Variants in SLC14A2 observed in about 807,000 individuals in gnomAD.
The protein encoded by SLC14A2 is urea transporter 2.
SLC14A2 carries 91 observed loss-of-function variants against 104.6 expected under a neutral mutation model. The ratio of observed to expected loss-of-function variants is 0.87; its 90% confidence interval spans 0.73 to 1.04. The LOEUF (loss-of-function observed/expected upper bound fraction) is 1.04. Ranked by LOEUF, SLC14A2 falls within the 50% of genes least tolerant of loss-of-function variation. The probability of loss-of-function intolerance (pLI) is 0.00; values close to 1 mark genes in which losing one functional copy is unlikely to be tolerated. For synonymous variants in SLC14A2, 476 were observed against 466.4 expected (o/e 1.02, Z -0.27); for missense variants, 1,189 against 1,156.0 (o/e 1.03, Z -0.41).
intron 2 of SLC14A2, among the ~76,000 whole-genome samples, chr18:45,491,620 A>G (rs1170687372): frequency 6.6e-6 from 1 of 152,236 alleles, no homozygotes; most frequent in East Asian, 1.9e-4. Flanking sequence ...TTAATATAGT[A>G]AACAATTCAG....
At chr18:45,232,362 A>G (rs765089405) in intron 1 of SLC14A2, among the ~76,000 whole-genome samples, 1 of 152,226 alleles carries the variant, frequency 6.6e-6, no homozygotes, top group Non-Finnish European at 1.5e-5. Flanking sequence ...CATGAGAACA[A>G]TGAAGAGGAA....
rs201591082 is a variant in SLC14A2, at chr18:45,641,344, G to A, written c.1126+1G>A. On this transcript the variant is annotated splice_donor_variant, in intron 8 of 19. Coordinates refer to ENST00000255226, the MANE Select transcript of SLC14A2 (RefSeq NM_007163.4). LOFTEE classifies it high-confidence loss of function. ...ACTCACCTGCTGGCCCTCATCTGTG[G>A]TAGGTGTTCAGAAAAGCTGACAACC... is the stretch of plus-strand genomic sequence containing the variant. 10 of 1,614,180 alleles carry A rather than the reference G, an allele frequency of 6.2e-6. No individual in the cohort carries two copies. In the East Asian group the frequency reaches 2.0e-4, roughly 32 times the overall value.
the SLC14A2 span, among the ~76,000 whole-genome samples, chr18:45,190,013 T>C: frequency 2.0e-5 from 3 of 152,142 alleles, no homozygotes; most frequent in African/African-American, 7.2e-5. Flanking sequence ...TTCCACAAGA[T>C]ACAGCTGATA....
intron 1 of SLC14A2, among the ~76,000 whole-genome samples, chr18:45,459,909 A>G (rs1262036294): frequency 6.6e-6 from 1 of 152,208 alleles, no homozygotes; most frequent in Non-Finnish European, 1.5e-5. Flanking sequence ...CAGCCCAAAC[A>G]TCCTCAACCT....
At chr18:45,209,111 C>A (rs1479607455), upstream of SLC14A2, among the ~76,000 whole-genome samples, 6 of 143,760 alleles carry the variant, frequency 4.2e-5, no homozygotes, top group Admixed American at 1.4e-4. Flanking sequence ...CTGAGGCGGG[C>A]GGATCATGAG....
chr18:45,492,981 C>G (rs2043029344), intron 2 of SLC14A2: 1 of 152,194 alleles, frequency 6.6e-6, no homozygotes, highest in African/African-American at 2.4e-5. Context: ...AACTTTTTCG[C>G]CCTGCATAGT....
chr18:45,554,338 G>C (rs186625894), intron 2 of SLC14A2, among the ~76,000 whole-genome samples: 1 of 152,160 alleles, frequency 6.6e-6, no homozygotes, highest in African/African-American at 2.4e-5. Context: ...CAAAGATCCT[G>C]TTTCTCTGCC....
intron 1 of SLC14A2, among the ~76,000 whole-genome samples, chr18:45,216,614 G>T (rs1466716668): frequency 6.6e-6 from 1 of 152,148 alleles, no homozygotes; most frequent in African/African-American, 2.4e-5. Flanking sequence ...ACTTTCTGCG[G>T]TATATGGGAA....
intron 2 of SLC14A2, among the ~76,000 whole-genome samples, chr18:45,545,546 C>T (rs751014823): frequency 2.0e-5 from 3 of 152,192 alleles, no homozygotes; most frequent in Non-Finnish European, 2.9e-5. Flanking sequence ...CACAGGAAAA[C>T]CACAAGGACA....
intron 13 of SLC14A2, 51 bp downstream of exon 13, chr18:45,667,145 AC>A (rs764780945): frequency 1.6e-5 from 24 of 1,506,036 alleles, no homozygotes; most frequent in Non-Finnish European, 1.7e-5. Flanking sequence ...ACTCACCTCC[AC>A]CCATCCCCAG....
the SLC14A2 span, among the ~76,000 whole-genome samples, chr18:45,187,631 G>A: frequency 6.6e-5 from 10 of 151,998 alleles, no homozygotes; most frequent in African/African-American, 9.7e-5. Context: ...GTTGCCAAGA[G>A]CCCCCAAGAA....
intron 1 of SLC14A2, among the ~76,000 whole-genome samples, chr18:45,214,003 C>T (rs534360508): frequency 1.3e-5 from 2 of 152,254 alleles, no homozygotes; most frequent in East Asian, 1.9e-4. Context: ...CATTCCCCAC[C>T]TGCCAGGATA....
chr18:45,303,179 G>A (rs1349488387), intron 1 of SLC14A2, among the ~76,000 whole-genome samples: 1 of 152,188 alleles, frequency 6.6e-6, no homozygotes, highest in Non-Finnish European at 1.5e-5. Context: ...AAGATTTATA[G>A]ACAAAAGGGA....
At chr18:45,603,393 C>A (rs1246870110) in intron 2 of SLC14A2, among the ~76,000 whole-genome samples, 1 of 151,988 alleles carries the variant, frequency 6.6e-6, no homozygotes, top group Non-Finnish European at 1.5e-5. Context: ...TGACAATCAA[C>A]AAGCAGATGA....
intron 1 of SLC14A2, among the ~76,000 whole-genome samples, chr18:45,296,602 T>A (rs895440257): frequency 2.6e-5 from 4 of 152,202 alleles, no homozygotes; most frequent in Non-Finnish European, 5.9e-5. Flanking sequence ...GTCTTCCCTC[T>A]GGAATGTTGC....
chr18:45,542,056 T>G lies in SLC14A2; in HGVS notation c.-35+58734T>G, dbSNP rs2543031. On this transcript the variant is annotated intron_variant, in intron 2 of 20. Coordinates refer to the SLC14A2 transcript ENST00000586448. The stretch of plus-strand genomic sequence containing the variant: ...GAGGGTTTTTTTTTTTTTTTTTTTT[T>G]TTTTTTTTTTTTTTTTGCTTTTGAG... Among the ~76,000 whole-genome samples the G allele has an allele frequency of 5.8e-3, 813 of 139,820 alleles. 19 individuals are homozygous for G. Among genetic ancestry groups the G allele is most frequent in the African/African-American group, 0.021 (774 of 36,868 alleles). 91.7% of individuals were successfully genotyped at this position (139,820 alleles called of 152,430 possible). A position where few individuals can be genotyped will look rare whatever the true frequency, so the allele number is the denominator to read the frequency against.
intron 2 of SLC14A2, among the ~76,000 whole-genome samples, chr18:45,594,929 T>C (rs1332945437): frequency 6.6e-6 from 1 of 151,884 alleles, no homozygotes; most frequent in East Asian, 1.9e-4. Context: ...CTGCACAACT[T>C]CCCCACCGAC....
intron 10 of SLC14A2, among the ~76,000 whole-genome samples, chr18:45,649,992 C>T (rs373756230): frequency 5.3e-5 from 8 of 152,202 alleles, no homozygotes; most frequent in African/African-American, 9.7e-5. Context: ...AGCTTAGCAA[C>T]TTTTCTTCTA....
chr18:45,289,909 G>A (rs2084852692), intron 1 of SLC14A2, among the ~76,000 whole-genome samples: 1 of 152,170 alleles, frequency 6.6e-6, no homozygotes, highest in African/African-American at 2.4e-5. Context: ...TAGATGAGTT[G>A]TTTACACTGA....
Sources: allele counts gnomAD v4.1 joint callset (sites outside exome capture counted in the v4.1 genomes callset), GRCh38; gene constraint gnomAD v4.1.1; transcripts MANE v1.5; gene names NCBI Gene and HGNC (gene_info 2026-07-23, HGNC 2026-07-21).